Variants in BICRA observed in about 807,000 individuals in gnomAD.
BICRA encodes the protein BRD4 interacting chromatin remodeling complex associated protein, also known as BRD4-interacting chromatin-remodeling complex-associated protein.
BICRA carries 31 observed loss-of-function variants against 96.9 expected under a neutral mutation model. The ratio of observed to expected loss-of-function variants is 0.32; its 90% CI spans 0.24 to 0.43. BICRA has a LOEUF of 0.43. BICRA is among the 20% of genes least tolerant of loss of function. The probability of loss-of-function intolerance (pLI) is 1.00; values close to 1 mark genes in which losing one functional copy is unlikely to be tolerated. For missense variants in BICRA, 2,283 were observed against 2,190.3 expected (o/e 1.04, Z -0.84); for synonymous variants, 1,350 against 1,071.8 (o/e 1.26, Z -5.07).
chr19:47,660,603 A>T (rs962234465), intron 1 of BICRA, among the ~76,000 whole-genome samples: 1 of 152,194 alleles, frequency 6.6e-6, no homozygotes, highest in African/African-American at 2.4e-5. Context: ...TGTCTGACCA[A>T]GGTTCACGGG....
chr19:47,673,859 A>G (rs1389498455), intron 4 of BICRA, 97 bp downstream of exon 4: 2 of 1,091,688 alleles, frequency 1.8e-6, no homozygotes, highest in Non-Finnish European at 2.8e-6. Context: ...TGAGGTAGCC[A>G]TCTGCCTTGT....
At chr19:47,653,678 G>A (rs922344843) in intron 1 of BICRA, among the ~76,000 whole-genome samples, 11 of 152,176 alleles carry the variant, frequency 7.2e-5, no homozygotes, top group Non-Finnish European at 1.0e-4. Flanking sequence ...ATGTTGGAGC[G>A]TGTGCCAGTG....
chr19:47,647,665 C>T (rs1032518561), intron 1 of BICRA, among the ~76,000 whole-genome samples: 2 of 152,182 alleles, frequency 1.3e-5, no homozygotes, highest in Non-Finnish European at 2.9e-5. Context: ...TCCTCCTTCC[C>T]GGGTGAGGAT....
chr19:47,671,401 C>T (rs1007979830), intron 2 of BICRA, among the ~76,000 whole-genome samples: 1 of 152,114 alleles, frequency 6.6e-6, no homozygotes, highest in Non-Finnish European at 1.5e-5. Flanking sequence ...AGGTTTGGGA[C>T]CCCCTACCCC....
At position 47,696,452 on chromosome 19, in the gene BICRA, A is replaced by G. The variant is rs761173211; in HGVS notation, c.3188A>G (p.Tyr1063Cys). 1 of 1,597,186 alleles carries G rather than the reference A, an allele frequency of 6.3e-7. No homozygotes were observed. The highest frequency in any genetic ancestry group is 8.5e-7 in the Non-Finnish European group (1 of 1,172,010). Reference sequence around the variant, plus strand: ...TCTCACTCGCCTTTCTTCTCCCAGTATGAGAGCAAACTGAGTGGCCTGAAG... The same window carrying G: ...TCTCACTCGCCTTTCTTCTCCCAGTGTGAGAGCAAACTGAGTGGCCTGAAG... ...SGPGKPSGLQYESKLSGLKKP... is the reference protein window; with the variant it reads ...SGPGKPSGLQCESKLSGLKKP... Residue 1063 changes from tyrosine (Y) to cysteine (C), a missense_variant and splice_region_variant, in exon 11 of 15, where the codon TAT becomes TGT. Tyr to Cys is a radical substitution (Grantham distance 194). Transcript: ENST00000594866.
intron 1 of BICRA, among the ~76,000 whole-genome samples, chr19:47,621,767 C>T (rs1972068516): frequency 6.6e-6 from 1 of 151,244 alleles, no homozygotes; most frequent in African/African-American, 2.4e-5. Context: ...CTGCACCCGG[C>T]CTGAATTGAG....
In BICRA at chr19:47,680,469, A is replaced by G; in HGVS notation, c.1299A>G (p.Gly433=). The G allele has an allele frequency of 6.5e-7, 1 of 1,540,272 alleles. No homozygotes were observed. The highest frequency in any genetic ancestry group is 1.4e-5 in the African/African-American group (1 of 73,006). The stretch of plus-strand genomic sequence containing the variant: ...AGCAGCCACCGGCCACCACCACCGG[A>G]GCGGCCCCGCCGCAGCCCCCCGGGG... ...VFKQPPATTT[G]AAPPQPPGAL... Residue 433 remains glycine, a synonymous_variant, in exon 6 of 15, where the codon GGA becomes GGG. Transcript: ENST00000594866.
At chr19:47,672,837 A>G (rs971447799) in intron 2 of BICRA, among the ~76,000 whole-genome samples, 1 of 152,030 alleles carries the variant, frequency 6.6e-6, no homozygotes, top group South Asian at 2.1e-4. Flanking sequence ...AATGTTAGCC[A>G]TCCTCATCCT....
chr19:47,630,611 G>T lies in BICRA; in HGVS notation c.-108+21443G>T, dbSNP rs1599794383. 2.6e-5 allele frequency among the ~76,000 whole-genome samples: 4 copies of T among 152,070 alleles called. No individual in the cohort carries two copies. The East Asian group carries it at 7.7e-4, about 29-fold the overall frequency. On this transcript the variant is annotated intron_variant, in intron 1 of 14. Coordinates refer to ENST00000594866, the MANE Select transcript of BICRA (RefSeq NM_001394372.1). ...AATTCTTTTCTTTTTTTGTGGCTAA[G>T]TTCATCTTCCATTGGATGGATAGAC...
At chr19:47,623,077 G>T (rs1205654978) in intron 1 of BICRA, among the ~76,000 whole-genome samples, 1 of 150,946 alleles carries the variant, frequency 6.6e-6, no homozygotes, top group Non-Finnish European at 1.5e-5. Flanking sequence ...TCATATATTA[G>T]ACATTACATA....
In BICRA at chr19:47,702,131, C is replaced by G; in HGVS notation, c.4399C>G (p.Pro1467Ala). 1 of 1,536,066 alleles carries G rather than the reference C, an allele frequency of 6.5e-7. No individual in the cohort carries two copies. The highest frequency in any genetic ancestry group is 8.7e-7 in the Non-Finnish European group (1 of 1,148,762). ...QGTGDPDWEA[P>A]GLPPAKRRKS... ...CACCGGGGACCCCGACTGGGAGGCG[C>G]CCGGGCTGCCCCCTGCCAAGCGGCG... The change falls in exon 15 of 15, where the codon CCC becomes GCC. Residue 1467 changes from proline to alanine, a missense_variant. Physicochemically the swap from Pro to Ala is conservative, Grantham distance 27 (BLOSUM62 -1). Coordinates refer to ENST00000594866, the MANE Select transcript of BICRA (RefSeq NM_001394372.1).
At position 47,677,363 on chromosome 19, in the gene BICRA, G is replaced by A. The variant is rs141149474; in HGVS notation, c.150+1447G>A. 4.2e-3 allele frequency among the ~76,000 whole-genome samples: 646 copies of A among 152,238 alleles called. 7 individuals are homozygous for A. Among genetic ancestry groups the A allele is most frequent in the African/African-American group, 0.014 (593 of 41,554 alleles). ...TATGCCTGCAGATATTTTTCCATGCGTGTCCTGGGTTGCAGTCCAGGATAG... is the reference window on the plus strand; with the variant it reads ...TATGCCTGCAGATATTTTTCCATGCATGTCCTGGGTTGCAGTCCAGGATAG... On this transcript the variant is annotated intron_variant, in intron 5 of 14. Coordinates refer to ENST00000594866, the MANE Select transcript of BICRA (RefSeq NM_001394372.1).
At chr19:47,628,936 A>G (rs1972179069) in intron 1 of BICRA, among the ~76,000 whole-genome samples, 1 of 151,748 alleles carries the variant, frequency 6.6e-6, no homozygotes, top group Non-Finnish European at 1.5e-5. Flanking sequence ...GCAGTTCAGT[A>G]GTGTTAAATG....
At chr19:47,658,631 CAAAAAAAAA>C (rs3074083) in intron 1 of BICRA, among the ~76,000 whole-genome samples, 30,042 of 97,514 alleles carry the variant, frequency 0.31, 3,445 homozygotes, top group Middle Eastern at 0.38. Context: ...GACTTCGTCT[CAAAAAAAAA>C]AAAAAAAAAA....
At chr19:47,608,607 G>A (rs1013880722), upstream of BICRA, among the ~76,000 whole-genome samples, 2 of 152,066 alleles carry the variant, frequency 1.3e-5, no homozygotes, top group African/African-American at 4.8e-5. Context: ...CCGGATCAGG[G>A]CTCGAGGCAG....
chr19:47,658,692 G>A (rs1263597660), intron 1 of BICRA, among the ~76,000 whole-genome samples: 1 of 151,340 alleles, frequency 6.6e-6, no homozygotes, highest in Non-Finnish European at 1.5e-5. Context: ...GCAGAGTGTG[G>A]TCTGTGCCAG....
At position 47,702,328 on chromosome 19, in the gene BICRA, C is replaced by T. The variant is rs1016180643; in HGVS notation, c.4596C>T (p.Pro1532=). Residue 1532 remains proline (P), a synonymous_variant, in exon 15 of 15, where the codon CCC becomes CCT. Transcript: ENST00000594866. Reference sequence around the variant, plus strand: ...CCCACGCTGCCTCGGCCGGCACCCCCGCATCCCCGCCGCCCCTGCACAGGC... The same window carrying T: ...CCCACGCTGCCTCGGCCGGCACCCCTGCATCCCCGCCGCCCCTGCACAGGC... The part of the protein sequence containing the change: ...SYPHAASAGT[P]ASPPPLHRPE... 6.4e-6 allele frequency: 10 copies of T among 1,552,088 alleles called. No homozygotes were observed. The African/African-American group carries it at 1.4e-4, about 22-fold the overall frequency.
intron 1 of BICRA, among the ~76,000 whole-genome samples, chr19:47,609,903 G>A (rs1313583573): frequency 8.5e-5 from 13 of 152,164 alleles, no homozygotes; most frequent in Non-Finnish European, 4.4e-5. Context: ...CCCGGCAATA[G>A]AGGGAGGTGA....
chr19:47,670,837 G>A lies in BICRA; in HGVS notation c.-6+293G>A, dbSNP rs115685822. Among the ~76,000 whole-genome samples the A allele has an allele frequency of 3.2e-3, 488 of 152,306 alleles. 3 individuals carry two copies. Among genetic ancestry groups the A allele is most frequent in the African/African-American group, 0.011 (465 of 41,574 alleles). On this transcript the variant is annotated intron_variant, in intron 2 of 14. Transcript: ENST00000594866. ...GCCTTCTGTGAGCGGGTTGGGGAGGGAAGGGGCTCATAGGTCATGGACCTG... is the reference window on the plus strand; with the variant it reads ...GCCTTCTGTGAGCGGGTTGGGGAGGAAAGGGGCTCATAGGTCATGGACCTG...
Sources: allele counts gnomAD v4.1 joint callset (sites outside exome capture counted in the v4.1 genomes callset), GRCh38; gene constraint gnomAD v4.1.1; transcripts MANE v1.5; gene names NCBI Gene and HGNC (gene_info 2026-07-23, HGNC 2026-07-21).